MTA3: variants seen among roughly 807,000 people sequenced by gnomAD.
MTA3 encodes metastasis-associated protein MTA3.
In MTA3, 34 loss-of-function variants were observed where a neutral mutation model predicts 83.5. The observed-to-expected ratio is 0.41, with a 90% CI of 0.31 to 0.54. The LOEUF (loss-of-function observed/expected upper bound fraction) is 0.54. Among genes scored for constraint, MTA3 ranks in the 20% least tolerant of loss-of-function variants. The pLI, the probability that MTA3 is intolerant of heterozygous loss-of-function variation, is 0.33. For missense variants in MTA3, 761 were observed against 726.4 expected (o/e 1.05, Z -0.55); for synonymous variants, 303 against 252.7 (o/e 1.20, Z -1.89).
At chr2:42,535,507 C>T (rs1189680131) in intron 2 of MTA3, among the ~76,000 whole-genome samples, 1 of 152,106 alleles carries the variant, frequency 6.6e-6, no homozygotes, top group East Asian at 1.9e-4. Flanking sequence ...AATCACAGGC[C>T]TGAGCCACTG....
At chr2:42,532,183 C>T (rs973982563) in intron 2 of MTA3, among the ~76,000 whole-genome samples, 5 of 152,222 alleles carry the variant, frequency 3.3e-5, no homozygotes, top group African/African-American at 1.2e-4. Flanking sequence ...TTTAGAAGGA[C>T]TATCTTCAAA....
chr2:42,523,014 T>C (rs1284325987), intron 2 of MTA3, among the ~76,000 whole-genome samples: 3 of 151,984 alleles, frequency 2.0e-5, no homozygotes, highest in African/African-American at 7.2e-5. Flanking sequence ...CTCACTGTGT[T>C]GCCCAGTTTG....
At chr2:42,519,552 G>C (rs1675314834) in intron 2 of MTA3, among the ~76,000 whole-genome samples, 1 of 151,118 alleles carries the variant, frequency 6.6e-6, no homozygotes, top group African/African-American at 2.4e-5. Flanking sequence ...GTTGCATTGA[G>C]CCCAGATGGC....
intron 8 of MTA3, among the ~76,000 whole-genome samples, chr2:42,672,664 A>C (rs1479737257): frequency 6.7e-6 from 1 of 148,888 alleles, no homozygotes; most frequent in African/African-American, 2.4e-5. Context: ...AAAAAAAAAA[A>C]AAAAAAAAAA....
At chr2:42,581,435 T>TC (rs1418831326) in intron 3 of MTA3, among the ~76,000 whole-genome samples, 1 of 145,680 alleles carries the variant, frequency 6.9e-6, no homozygotes, top group Non-Finnish European at 1.5e-5. Flanking sequence ...AGTGGCAGGA[T>TC]CATAGCTCAC....
intron 8 of MTA3, among the ~76,000 whole-genome samples, chr2:42,672,479 C>A (rs1181432690): frequency 1.3e-5 from 2 of 151,408 alleles, no homozygotes; most frequent in African/African-American, 4.9e-5. Context: ...CCTATCTCTA[C>A]TAAAAATACA....
At chr2:42,746,624 A>C (rs1305013041) in intron 16 of MTA3, among the ~76,000 whole-genome samples, 1 of 152,238 alleles carries the variant, frequency 6.6e-6, no homozygotes, top group East Asian at 1.9e-4. Flanking sequence ...CCTGCTGGCT[A>C]TAAATCAGGA....
intron 15 of MTA3, among the ~76,000 whole-genome samples, chr2:42,719,857 A>G (rs1667280948): frequency 6.6e-6 from 1 of 152,214 alleles, no homozygotes; most frequent in Admixed American, 6.5e-5. Context: ...CTTTGTTTAA[A>G]CAAAGTTTTA....
chr2:42,728,525 T>C (rs1463683893), intron 16 of MTA3, among the ~76,000 whole-genome samples: 1 of 152,186 alleles, frequency 6.6e-6, no homozygotes, highest in Non-Finnish European at 1.5e-5. Context: ...GTTCTCATAG[T>C]GGTTGTACTA....
chr2:42,643,472 A>C (rs1037757648), intron 5 of MTA3, among the ~76,000 whole-genome samples: 2 of 152,140 alleles, frequency 1.3e-5, no homozygotes, highest in East Asian at 1.9e-4. Context: ...GGAGGACTGG[A>C]AATTTTGGTG....
intron 2 of MTA3, among the ~76,000 whole-genome samples, chr2:42,539,718 A>G (rs1676436188): frequency 6.6e-6 from 1 of 150,730 alleles, no homozygotes; most frequent in African/African-American, 2.4e-5. Context: ...AGTAGCTGGG[A>G]CTACAGTCAT....
In MTA3 at chr2:42,708,148, A is replaced by G. The variant is rs561176389; in HGVS notation, c.1302+94A>G. ...AAGTACAGTATAGGATAATTAAAAA[A>G]TGAAGAAAGCTACCTTTATAGCTAA... On this transcript the variant is annotated intron_variant, in intron 13 of 16. Coordinates refer to ENST00000405094, the MANE Select transcript of MTA3 (RefSeq NM_001330442.2). 46 of 1,286,198 alleles carry G rather than the reference A, an allele frequency of 3.6e-5. No homozygotes were observed. In the South Asian group the frequency reaches 7.8e-4, roughly 22 times the overall value. The allele number at this position is 1,286,198 out of a possible 1,614,324, so 79.7% of individuals were successfully genotyped here. A position where few individuals can be genotyped will look rare whatever the true frequency, so the allele number is the denominator to read the frequency against.
chr2:42,748,199 GTT>G lies in MTA3; in HGVS notation c.1760-5173_1760-5172del, dbSNP rs60387634. Among the ~76,000 whole-genome samples the G allele has an allele frequency of 2.6e-3, 349 of 135,166 alleles. 4 individuals carry two copies. Among genetic ancestry groups the G allele is most frequent in the African/African-American group, 7.2e-3 (222 of 31,030 alleles). 88.7% of individuals were successfully genotyped at this position (135,166 alleles called of 152,430 possible). A position where few individuals can be genotyped will look rare whatever the true frequency, so the allele number is the denominator to read the frequency against. ...ATGTGCCATCACATCCAGCTAATGT[GTT>G]TGTGTGTGTGTGTGTGTGTGTGTGT... On this transcript the variant is annotated intron_variant, in intron 16 of 16. Transcript: ENST00000405094.
intron 3 of MTA3, among the ~76,000 whole-genome samples, chr2:42,597,666 G>A (rs1033258542): frequency 7.0e-6 from 1 of 142,512 alleles, no homozygotes. Flanking sequence ...TTACAGGTGT[G>A]AGCCACCTCA....
rs944743922 is a variant in MTA3, at chr2:42,711,967, A to T, written c.1525+2871A>T. ...AAAATATTGATGGATCTAGAGTTCT[A>T]ATTAATGCATTTTAGAATAATTTAT... On this transcript the variant is annotated intron_variant, in intron 14 of 16. Coordinates refer to ENST00000405094, the MANE Select transcript of MTA3 (RefSeq NM_001330442.2). Among the ~76,000 whole-genome samples, 98 of 152,244 alleles carry T rather than the reference A, an allele frequency of 6.4e-4. 1 individual carries two copies. The highest frequency in any genetic ancestry group is 2.3e-3 in the African/African-American group (94 of 41,544).
intron 6 of MTA3, among the ~76,000 whole-genome samples, chr2:42,655,084 GA>G (rs1689051729): frequency 6.6e-6 from 1 of 152,160 alleles, no homozygotes; most frequent in Non-Finnish European, 1.5e-5. Flanking sequence ...ACTCTTAAAG[GA>G]GGCTGCTATG....
intron 11 of MTA3, 132 bp downstream of exon 11, chr2:42,697,966 A>G (rs1573662706): frequency 1.7e-6 from 1 of 595,750 alleles, no homozygotes; most frequent in Admixed American, 3.8e-5. Flanking sequence ...CATGAGACTT[A>G]CTATTATACC....
chr2:42,619,831 C>T (rs1476348011), intron 4 of MTA3, among the ~76,000 whole-genome samples: 1 of 152,136 alleles, frequency 6.6e-6, no homozygotes, highest in Non-Finnish European at 1.5e-5. Flanking sequence ...TGATTTTGCT[C>T]TCCTGGTGCC....
chr2:42,708,634 AT>A, intron 13 of MTA3, among the ~76,000 whole-genome samples: 1 of 152,268 alleles, frequency 6.6e-6, no homozygotes, highest in South Asian at 2.1e-4. Flanking sequence ...CTTACTGTGA[AT>A]GTGATTTTGG....
Sources: gnomAD v4.1 joint callset for allele counts (sites outside exome capture counted in the v4.1 genomes callset) on GRCh38, gnomAD v4.1.1 for gene constraint, MANE v1.5 for transcripts, NCBI Gene and HGNC (gene_info 2026-07-23, HGNC 2026-07-21) for gene names.